NELFCD: variants seen among roughly 807,000 people sequenced by gnomAD.
The protein encoded by NELFCD is negative elongation factor complex member C/D.
In NELFCD, 48 loss-of-function variants were observed where a neutral mutation model predicts 72.9. The observed-to-expected ratio is 0.66, with a 90% CI of 0.52 to 0.84. NELFCD has a LOEUF of 0.84. Ranked by LOEUF, NELFCD falls within the 40% of genes least tolerant of loss-of-function variation. NELFCD has a pLI of 0.00. For missense variants in NELFCD, 538 were observed against 723.8 expected, an observed-to-expected ratio of 0.74 and a Z score of 2.94; for synonymous variants, 297 against 280.6, an observed-to-expected ratio of 1.06 and a Z score of -0.59.
Position 58,986,663 on chromosome 20 carries a change from T to G in NELFCD, c.177-91T>G. The G allele has an allele frequency of 1.1e-6, 1 of 950,022 alleles. No individual in the cohort carries two copies. Among genetic ancestry groups the G allele is most frequent in the South Asian group, 1.3e-5 (1 of 77,314 alleles). 58.8% of individuals were successfully genotyped at this position (950,022 alleles called of 1,614,324 possible). A position where few individuals can be genotyped will look rare whatever the true frequency, so the allele number is the denominator to read the frequency against. On this transcript the variant is annotated intron_variant, in intron 2 of 14. Transcript: ENST00000652272. This position sits in a 1 kb window ranked among gnomAD's most constrained non-coding sequence, Gnocchi z 4.4. ...CAGCCCCCTCCGCTGCTTTAAAAATTTTGAAACCTGATTCTCTTCCTCCTT... is the reference window on the plus strand; with the variant it reads ...CAGCCCCCTCCGCTGCTTTAAAAATGTTGAAACCTGATTCTCTTCCTCCTT...
At chr20:58,981,444 AGAGGCCGCGCGGCGC>A in intron 1 of NELFCD, 75 bp downstream of exon 1, 1 of 625,794 alleles carries the variant, frequency 1.6e-6, no homozygotes, top group Non-Finnish European at 2.0e-6. Flanking sequence ...CCACTCCCGG[AGAGGCCGCGCGGCGC>A]GAGGCTGCGG....
intron 1 of NELFCD, among the ~76,000 whole-genome samples, chr20:58,982,564 T>C (rs1232921317): frequency 6.6e-6 from 1 of 152,118 alleles, no homozygotes; most frequent in African/African-American, 2.4e-5. Flanking sequence ...TTGATAAACA[T>C]GGGTGGTGGT....
rs1356454112 is a variant in NELFCD, at chr20:58,995,032, C to A, written c.*356C>A. On this transcript the variant is annotated 3_prime_UTR_variant, in exon 15 of 15. Coordinates refer to ENST00000652272, the MANE Select transcript of NELFCD (RefSeq NM_198976.4). ...CTTTCCAAGCTGACCTCAGTTTTCT[C>A]ACAAGAACCCAGTTAGCTGATGTTT... The A allele has an allele frequency of 1.2e-5, 3 of 241,518 alleles. No homozygotes were observed. The Admixed American group carries it at 1.5e-4, about 12-fold the overall frequency. 15.0% of individuals were successfully genotyped at this position (241,518 alleles called of 1,614,324 possible). A position where few individuals can be genotyped will look rare whatever the true frequency, so the allele number is the denominator to read the frequency against.
rs116157578 is a variant in NELFCD at position 58,985,710 on chromosome 20, G to A, written c.61-383G>A. On this transcript the variant is annotated intron_variant, in intron 1 of 14. Transcript: ENST00000652272. ...ATAATAGTTTACTATTTATTGCACTGTTACGAAATGTCAGGGATTATGCTG... is the reference window on the plus strand; with the variant it reads ...ATAATAGTTTACTATTTATTGCACTATTACGAAATGTCAGGGATTATGCTG... Among the ~76,000 whole-genome samples, 1,157 of 152,324 alleles carry A rather than the reference G, an allele frequency of 7.6e-3. 19 individuals are homozygous for A. Among genetic ancestry groups the A allele is most frequent in the African/African-American group, 0.027 (1,114 of 41,572 alleles).
At chr20:58,992,095 C>T (rs2091822000) in intron 10 of NELFCD, 75 bp downstream of exon 10, 3 of 1,434,286 alleles carry the variant, frequency 2.1e-6, no homozygotes, top group Non-Finnish European at 2.8e-6. Flanking sequence ...ATTGAAAGCT[C>T]AAATAACAAA....
intron 7 of NELFCD, chr20:58,990,250 A>C: frequency 9.8e-6 from 4 of 408,554 alleles, no homozygotes; most frequent in Non-Finnish European, 1.4e-5. Context: ...AAAATACAAA[A>C]TTAGCCGGGT....
intron 7 of NELFCD, chr20:58,990,400 CAAAAAA>C: frequency 8.1e-6 from 1 of 122,832 alleles, no homozygotes; most frequent in Non-Finnish European, 1.7e-5. Flanking sequence ...AACTCTGTCT[CAAAAAA>C]AAAAAAAAAA....
Position 58,989,849 on chromosome 20 carries a change from ATCTTG to A in NELFCD, c.658-8_658-4del. On this transcript the variant is annotated splice_polypyrimidine_tract_variant and splice_region_variant and intron_variant, in intron 6 of 14. Transcript: ENST00000652272. ...AAACCCTGCCCCCTCTCTCCCTGCA[ATCTTG>A]CAGAAGATGGTGTGCCACGGGGAGC... The A allele has an allele frequency of 6.2e-7, 1 of 1,614,128 alleles. No individual in the cohort carries two copies. The highest frequency in any genetic ancestry group is 8.5e-7 in the Non-Finnish European group (1 of 1,180,016).
chr20:58,991,640 A>G, intron 9 of NELFCD, 194 bp downstream of exon 9: 1 of 752,140 alleles, frequency 1.3e-6, no homozygotes, highest in South Asian at 1.9e-5. Flanking sequence ...ATGCTCTGCA[A>G]ACCGTAAATT....
chr20:58,990,422 A>G lies in NELFCD; in HGVS notation c.788+434A>G, dbSNP rs1362325374. Reference sequence around the variant, plus strand: ...TCTCAAAAAAAAAAAAAAAAATTAAAAACTTCCTTTTATCCAGCAGAGCTG... The same window carrying G: ...TCTCAAAAAAAAAAAAAAAAATTAAGAACTTCCTTTTATCCAGCAGAGCTG... On this transcript the variant is annotated intron_variant, in intron 7 of 14. Coordinates refer to ENST00000652272, the MANE Select transcript of NELFCD (RefSeq NM_198976.4). 65 of 171,970 alleles carry G rather than the reference A, an allele frequency of 3.8e-4. 1 individual carries two copies. The highest frequency in any genetic ancestry group is 5.7e-5 in the Admixed American group (1 of 17,640). The allele number at this position is 171,970 out of a possible 1,614,324, so 10.7% of individuals were successfully genotyped here.
chr20:58,989,778 C>T (rs749230875), intron 6 of NELFCD, 80 bp from the exon 7 acceptor site: 1 of 1,608,844 alleles, frequency 6.2e-7, no homozygotes, highest in Admixed American at 1.7e-5. Flanking sequence ...CGGGCCCGAG[C>T]ACGGTGGAGG....
At chr20:58,992,612 T>TA (rs1569059875) in intron 10 of NELFCD, among the ~76,000 whole-genome samples, 1 of 152,184 alleles carries the variant, frequency 6.6e-6, no homozygotes, top group Non-Finnish European at 1.5e-5. Flanking sequence ...AAGCAGAGCT[T>TA]ACGCCAGGCA....
intron 4 of NELFCD, chr20:58,988,052 G>A (rs1226438099): frequency 3.9e-6 from 2 of 512,390 alleles, no homozygotes; most frequent in Non-Finnish European, 7.0e-6. Flanking sequence ...TGAACAGCAA[G>A]TTCCCACCAT....
Position 58,986,301 on chromosome 20 carries a change from G to A in NELFCD, c.176+93G>A, listed in dbSNP as rs1024699744. The A allele has an allele frequency of 6.8e-5, 57 of 842,244 alleles. No homozygotes were observed. In the Admixed American group the frequency reaches 1.1e-3, roughly 17 times the overall value. The allele number at this position is 842,244 out of a possible 1,614,324, so 52.2% of individuals were successfully genotyped here. A position where few individuals can be genotyped will look rare whatever the true frequency, so the allele number is the denominator to read the frequency against. ...CCAGAAGGTGCTATGTAAAGCAAGA[G>A]TAACGCGAACTGAACTAAAGGCTTC... On this transcript the variant is annotated intron_variant, in intron 2 of 14. Transcript: ENST00000652272. This position sits in a 1 kb window ranked among gnomAD's most constrained non-coding sequence, Gnocchi z 4.4.
Position 58,986,645 on chromosome 20 carries a change from C to T in NELFCD, c.177-109C>T, listed in dbSNP as rs1265819508. The T allele has an allele frequency of 2.5e-6, 2 of 812,306 alleles. No individual in the cohort carries two copies. Among genetic ancestry groups the T allele is most frequent in the East Asian group, 4.9e-5 (2 of 41,158 alleles). 50.3% of individuals were successfully genotyped at this position (812,306 alleles called of 1,614,324 possible). A position where few individuals can be genotyped will look rare whatever the true frequency, so the allele number is the denominator to read the frequency against. Reference sequence around the variant, plus strand: ...GGTGTGCACCACTGCACCCAGCCCCCTCCGCTGCTTTAAAAATTTTGAAAC... The same window carrying T: ...GGTGTGCACCACTGCACCCAGCCCCTTCCGCTGCTTTAAAAATTTTGAAAC... On this transcript the variant is annotated intron_variant, in intron 2 of 14. Transcript: ENST00000652272. This position sits in a 1 kb window ranked among gnomAD's most constrained non-coding sequence, Gnocchi z 4.4.
chr20:58,993,914 C>G lies in NELFCD; in HGVS notation c.1581+150C>G. On this transcript the variant is annotated intron_variant, in intron 13 of 14. Transcript: ENST00000652272. The surrounding 1 kb of genome is among the most constrained non-coding windows in gnomAD (Gnocchi z 5.0). ...CAGATACTCGTTTACCAAAAAGCAC[C>G]TTCTGCCTGCAGCAGCTGTATGACA... 9.1e-7 allele frequency: 1 copy of G among 1,100,818 alleles called. No individual in the cohort carries two copies. 68.2% of individuals were successfully genotyped at this position (1,100,818 alleles called of 1,614,324 possible).
At chr20:58,991,205 C>T (rs1249304361) in intron 8 of NELFCD, 107 bp from the exon 9 acceptor site, 2 of 1,563,156 alleles carry the variant, frequency 1.3e-6, no homozygotes, top group African/African-American at 2.7e-5. Context: ...GTCACACTCT[C>T]TGCCTGGAGC....
In NELFCD at chr20:58,993,429, T is replaced by G. The variant is rs1569060172; in HGVS notation, c.1345-20T>G. ...GCGTGACCACACTGCTCAGCGAAGCTCCCTCTGGCCTGTTTGTAGATCAGC... is the reference window on the plus strand; with the variant it reads ...GCGTGACCACACTGCTCAGCGAAGCGCCCTCTGGCCTGTTTGTAGATCAGC... On this transcript the variant is annotated intron_variant, in intron 11 of 14. Transcript: ENST00000652272. This position sits in a 1 kb window ranked among gnomAD's most constrained non-coding sequence, Gnocchi z 5.0. The G allele has an allele frequency of 4.3e-6, 7 of 1,611,584 alleles. No homozygotes were observed. The highest frequency in any genetic ancestry group is 5.1e-6 in the Non-Finnish European group (6 of 1,179,006).
In NELFCD at chr20:58,985,349, A is replaced by G. The variant is rs906004856; in HGVS notation, c.61-744A>G. On this transcript the variant is annotated intron_variant, in intron 1 of 14. Transcript: ENST00000652272. Reference sequence around the variant, plus strand: ...GCCTTGTCTTGTCTTACATTTTCTTAGGTTCCTTGGTTGATGAGCATAGTG... The same window carrying G: ...GCCTTGTCTTGTCTTACATTTTCTTGGGTTCCTTGGTTGATGAGCATAGTG... 3.9e-5 allele frequency among the ~76,000 whole-genome samples: 6 copies of G among 152,288 alleles called. No homozygotes were observed. The South Asian group carries it at 1.0e-3, about 26-fold the overall frequency.
Sources: allele counts gnomAD v4.1 joint callset (sites outside exome capture counted in the v4.1 genomes callset), GRCh38; gene constraint gnomAD v4.1.1; non-coding constraint Gnocchi (gnomAD v3.1); transcripts MANE v1.5; gene names NCBI Gene and HGNC (gene_info 2026-07-23, HGNC 2026-07-21).